Variants in REV3L observed in about 807,000 individuals in gnomAD.
The protein encoded by REV3L is REV3 like, DNA directed polymerase zeta catalytic subunit.
Under a neutral mutation model 299.4 loss-of-function variants are expected in REV3L, and 69 were observed. The observed-to-expected ratio is 0.23, with a 90% confidence interval of 0.19 to 0.28. The LOEUF (loss-of-function observed/expected upper bound fraction) is 0.28, where lower values mean the gene tolerates loss of function less well. Among genes scored for constraint, REV3L ranks in the 10% least tolerant of loss-of-function variants. The pLI, the probability that REV3L is intolerant of heterozygous loss-of-function variation, is 1.00. For missense variants in REV3L, 3,128 were observed against 3,693.8 expected (o/e 0.85, Z 3.97); for synonymous variants, 1,238 against 1,271.4 (o/e 0.97, Z 0.56).
intron 1 of REV3L, among the ~76,000 whole-genome samples, chr6:111,473,592 A>T (rs1792525718): frequency 6.6e-6 from 1 of 151,798 alleles, no homozygotes; most frequent in Non-Finnish European, 1.5e-5. Context: ...ACTATAATCT[A>T]TTCTAGATTA....
intron 20 of REV3L, among the ~76,000 whole-genome samples, chr6:111,347,627 T>C (rs1450828248): frequency 1.3e-5 from 2 of 152,226 alleles, no homozygotes; most frequent in South Asian, 2.1e-4. Flanking sequence ...AACATTTTAG[T>C]TGACATTATC....
At chr6:111,337,333 A>G (rs980700938) in intron 21 of REV3L, among the ~76,000 whole-genome samples, 18 of 152,226 alleles carry the variant, frequency 1.2e-4, no homozygotes, top group Admixed American at 1.0e-3. Context: ...AATGTTTAAG[A>G]AACAGAAATT....
At chr6:111,453,215 AAAT>A (rs1217841022) in intron 1 of REV3L, among the ~76,000 whole-genome samples, 1 of 152,124 alleles carries the variant, frequency 6.6e-6, no homozygotes, top group Non-Finnish European at 1.5e-5. Context: ...TCTTAGGTAA[AAAT>A]AAGACCCCAT....
Position 111,309,945 on chromosome 6 carries a change from A to C in REV3L, c.8950T>G (p.Tyr2984Asp). 6.2e-7 allele frequency: 1 copy of C among 1,614,080 alleles called. No homozygotes were observed. Among genetic ancestry groups the C allele is most frequent in the Non-Finnish European group, 8.5e-7 (1 of 1,179,988 alleles). ...QDPTLRLNATYYITKQILPPL... is the reference protein window; with the variant it reads ...QDPTLRLNATDYITKQILPPL... ...GGAAGGATTTGCTTGGTAATATAGT[A>C]AGTAGCATTCAGTCTCAGAGTTGGG... The change falls in exon 30 of 32, where the codon TAC becomes GAC. Residue 2984 changes from tyrosine to aspartate, a missense_variant. Coordinates refer to ENST00000368802, the MANE Select transcript of REV3L (RefSeq NM_001372078.1).
intron 1 of REV3L, among the ~76,000 whole-genome samples, chr6:111,471,709 C>T (rs1409054221): frequency 6.6e-6 from 1 of 152,180 alleles, no homozygotes; most frequent in East Asian, 1.9e-4. Context: ...CTCTCAGCAA[C>T]AGAAGGCAGT....
Position 111,417,063 on chromosome 6 carries a change from T to A in REV3L, c.140-591A>T, listed in dbSNP as rs914065476. On this transcript the variant is annotated intron_variant, in intron 1 of 31. Transcript: ENST00000368802. ...AAACAAAATCTCTACAGATCAATTA[T>A]CTATAATGGATTTCAGGGTATCTAA... Among the ~76,000 whole-genome samples the A allele has an allele frequency of 7.6e-4, 116 of 151,858 alleles. 1 individual carries two copies. Among genetic ancestry groups the A allele is most frequent in the Admixed American group, 1.0e-3 (16 of 15,264 alleles).
intron 3 of REV3L, among the ~76,000 whole-genome samples, chr6:111,407,476 T>C (rs117320267): frequency 0.02 from 3,100 of 152,278 alleles, 53 homozygotes; most frequent in South Asian, 0.077. Context: ...AGAGGTGGTA[T>C]ATATCACAGA....
intron 1 of REV3L, chr6:111,430,907 G>A (rs1786836270): frequency 6.2e-7 from 1 of 1,603,488 alleles, no homozygotes; most frequent in Non-Finnish European, 8.5e-7. Flanking sequence ...TCTCATTGTA[G>A]GAGAGCCAGG....
intron 1 of REV3L, among the ~76,000 whole-genome samples, chr6:111,482,429 G>A (rs1003563456): frequency 3.3e-5 from 5 of 152,260 alleles, no homozygotes; most frequent in African/African-American, 1.2e-4. Flanking sequence ...GCCGTCCGGG[G>A]CGCCCGCGGC....
At chr6:111,319,667 A>G (rs1773919781) in intron 26 of REV3L, among the ~76,000 whole-genome samples, 2 of 151,526 alleles carry the variant, frequency 1.3e-5, no homozygotes, top group South Asian at 2.1e-4. Context: ...GAATGTCATC[A>G]TAATTGGAAG....
At chr6:111,427,234 T>A (rs184434013) in intron 1 of REV3L, among the ~76,000 whole-genome samples, 238 of 152,312 alleles carry the variant, frequency 1.6e-3, no homozygotes, top group African/African-American at 5.5e-3. Context: ...TATTCAACCA[T>A]ATTTTATGGT....
chr6:111,441,533 G>A (rs1788265479), intron 1 of REV3L, among the ~76,000 whole-genome samples: 2 of 152,120 alleles, frequency 1.3e-5, no homozygotes, highest in African/African-American at 2.4e-5. Flanking sequence ...TTACAGGTGC[G>A]AGCCACCACG....
intron 31 of REV3L, among the ~76,000 whole-genome samples, chr6:111,305,282 T>TAAAG (rs1248356730): frequency 2.0e-5 from 3 of 152,174 alleles, no homozygotes; most frequent in Non-Finnish European, 4.4e-5. Context: ...CACTTTCTTT[T>TAAAG]AAACTGTATT....
At chr6:111,479,614 A>G (rs895896470) in intron 1 of REV3L, among the ~76,000 whole-genome samples, 3 of 148,864 alleles carry the variant, frequency 2.0e-5, no homozygotes, top group Admixed American at 6.8e-5. Flanking sequence ...GGCTGAAGCG[A>G]TTCTCCTGTC....
Position 111,299,933 on chromosome 6 carries a change from T to C in REV3L, c.*83A>G. 1.0e-5 allele frequency: 14 copies of C among 1,357,408 alleles called. No individual in the cohort carries two copies. The highest frequency in any genetic ancestry group is 4.5e-5 in the South Asian group (3 of 66,972). The allele number at this position is 1,357,408 out of a possible 1,614,324, so 84.1% of individuals were successfully genotyped here. A position where few individuals can be genotyped will look rare whatever the true frequency, so the allele number is the denominator to read the frequency against. On this transcript the variant is annotated 3_prime_UTR_variant, in exon 32 of 32. Coordinates refer to ENST00000368802, the MANE Select transcript of REV3L (RefSeq NM_001372078.1). ...CAGACAGTGAACATCCTTGACTCGA[T>C]GAAAGTTAAAAAGCACCATGCACAA...
intron 31 of REV3L, among the ~76,000 whole-genome samples, chr6:111,301,381 C>G (rs558990802): frequency 6.6e-6 from 1 of 152,088 alleles, no homozygotes; most frequent in Non-Finnish European, 1.5e-5. Context: ...GTGACCCACT[C>G]CCTATTCGTA....
chr6:111,308,079 T>C, intron 30 of REV3L: 1 of 313,684 alleles, frequency 3.2e-6, no homozygotes, highest in Non-Finnish European at 6.3e-6. Context: ...AATGATGGTT[T>C]CCAGCTTCAT....
intron 25 of REV3L, among the ~76,000 whole-genome samples, chr6:111,326,441 C>CA (rs1774824419): frequency 6.6e-6 from 1 of 151,708 alleles, no homozygotes; most frequent in South Asian, 2.1e-4. Flanking sequence ...GGCTTTTATC[C>CA]AAAAAACAGG....
At chr6:111,323,462 A>G (rs240966) in intron 25 of REV3L, among the ~76,000 whole-genome samples, 108,635 of 152,004 alleles carry the variant, frequency 0.71, 40,483 homozygotes, top group Non-Finnish European at 0.82. Flanking sequence ...AGTTATACAA[A>G]GAAAAATGTA....
Sources: gnomAD v4.1 joint callset for allele counts (sites outside exome capture counted in the v4.1 genomes callset) on GRCh38, gnomAD v4.1.1 for gene constraint, MANE v1.5 for transcripts, NCBI Gene and HGNC (gene_info 2026-07-23, HGNC 2026-07-21) for gene names.